The following LHPP variants were observed in gnomAD, a reference collection of about 807,000 sequenced individuals.
LHPP encodes phospholysine phosphohistidine inorganic pyrophosphate phosphatase.
A neutral mutation model predicts 30.3 loss-of-function variants in LHPP; 24 were observed. The ratio of observed to expected loss-of-function variants is 0.79; its 90% CI spans 0.57 to 1.11. LHPP has a LOEUF of 1.11. Ranked by LOEUF, LHPP falls within the 50% of genes most tolerant of loss-of-function variation. The pLI is 0.00. For synonymous variants in LHPP, 150 were observed against 157.1 expected, an observed-to-expected ratio of 0.95 and a Z score of 0.34; for missense variants, 356 against 367.2, an observed-to-expected ratio of 0.97 and a Z score of 0.25.
At chr10:124,608,961 G>A (rs529480572) in intron 6 of LHPP, among the ~76,000 whole-genome samples, 331 of 152,336 alleles carry the variant, frequency 2.2e-3, no homozygotes, top group Non-Finnish European at 4.0e-3. Context: ...CAGAGCAGCC[G>A]CATCTCTGCA....
chr10:124,577,233 G>T (rs546825064), intron 6 of LHPP, among the ~76,000 whole-genome samples: 1 of 152,112 alleles, frequency 6.6e-6, no homozygotes, highest in African/African-American at 2.4e-5. Context: ...TCTGATGGCC[G>T]AGGCCAGGGT....
rs986655836 is a variant in LHPP, at chr10:124,593,648, A to G, written c.717-19616A>G. Among the ~76,000 whole-genome samples, 1 of 152,056 alleles carries G rather than the reference A, an allele frequency of 6.6e-6. No homozygotes were observed. Among genetic ancestry groups the G allele is most frequent in the African/African-American group, 2.4e-5 (1 of 41,392 alleles). ...ACCTGATGGGCAGATCCCCCAGGGC[A>G]CTCTATCCAGAGGGTGGTGGACCCA... On this transcript the variant is annotated intron_variant, in intron 6 of 6. Coordinates refer to ENST00000368842, the MANE Select transcript of LHPP (RefSeq NM_022126.4). The surrounding 1 kb of genome is among the most constrained non-coding windows in gnomAD (Gnocchi z 4.9).
rs915312141 is a variant in LHPP, at chr10:124,488,530, TG to T, written c.423del (p.Leu142SerfsTer24). 11 of 1,613,800 alleles carry T rather than the reference TG, an allele frequency of 6.8e-6. No individual in the cohort carries two copies. The highest frequency in any genetic ancestry group is 9.3e-6 in the Non-Finnish European group (11 of 1,179,982). ...CAAAACATGAATAACGCCTTCCAGG[TG>T]CTCATGGAGCTGGAAAAACCTGTGC... Reference protein sequence around the residue: ...SYQNMNNAFQVLMELEKPVLI... With the variant: ...SYQNMNNAFQXLMELEKPVLI... On this transcript the variant is annotated frameshift_variant, in exon 3 of 7. Coordinates refer to ENST00000368842, the MANE Select transcript of LHPP (RefSeq NM_022126.4). LOFTEE classifies it high-confidence loss of function.
chr10:124,582,869 TA>T (rs1948760087), intron 6 of LHPP, among the ~76,000 whole-genome samples: 1 of 151,500 alleles, frequency 6.6e-6, no homozygotes, highest in Non-Finnish European at 1.5e-5. Flanking sequence ...GAAGAAAATA[TA>T]TTTACTGTTC....
chr10:124,534,987 T>G (rs1432640304), intron 6 of LHPP, among the ~76,000 whole-genome samples: 1 of 152,220 alleles, frequency 6.6e-6, no homozygotes, highest in African/African-American at 2.4e-5. Context: ...TCGGCGCCTA[T>G]TGTTACAGCA....
At chr10:124,559,107 G>A (rs940112949) in intron 6 of LHPP, among the ~76,000 whole-genome samples, 3 of 152,190 alleles carry the variant, frequency 2.0e-5, no homozygotes, top group African/African-American at 4.8e-5. Context: ...CCCCACCTAT[G>A]TGCAAAGAAG....
At chr10:124,575,469 C>T (rs1326430223) in intron 6 of LHPP, among the ~76,000 whole-genome samples, 1 of 152,186 alleles carries the variant, frequency 6.6e-6, no homozygotes, top group Admixed American at 6.5e-5. Flanking sequence ...ACCCGGTTCT[C>T]TCTCTGCAGG....
chr10:124,488,492 A>G lies in LHPP; in HGVS notation c.384A>G (p.Glu128=), dbSNP rs1953409836. 2.5e-6 allele frequency: 4 copies of G among 1,614,004 alleles called. No homozygotes were observed. In the East Asian group the frequency reaches 6.7e-5, roughly 27 times the overall value. The change falls in exon 3 of 7, where the codon GAA becomes GAG. Residue 128 remains glutamate (E), a synonymous_variant. Transcript: ENST00000368842. The stretch of plus-strand genomic sequence containing the variant: ...GTGTGGTAATTGCAGACGCAGGAGA[A>G]AGCTTTTCTTATCAAAACATGAATA... ...PNCVVIADAG[E]SFSYQNMNNA... is the part of the protein sequence containing the mutation.
At chr10:124,604,190 C>T (rs1173455123) in intron 6 of LHPP, among the ~76,000 whole-genome samples, 2 of 152,324 alleles carry the variant, frequency 1.3e-5, no homozygotes, top group South Asian at 2.1e-4. Context: ...CTTCCAGAAC[C>T]CAGGGGACGG....
At chr10:124,522,733 A>C (rs10751591) in intron 6 of LHPP, among the ~76,000 whole-genome samples, 137,585 of 144,380 alleles carry the variant, frequency 0.95, 65,416 homozygotes, top group Non-Finnish European at 1. Context: ...GCCCCCCCCC[A>C]AGCACTGTCT....
rs889422035 is a variant in LHPP, at chr10:124,541,273, G to C, written c.716+24002G>C. 6.6e-6 allele frequency among the ~76,000 whole-genome samples: 1 copy of C among 152,242 alleles called. No individual in the cohort carries two copies. The highest frequency in any genetic ancestry group is 1.5e-5 in the Non-Finnish European group (1 of 68,042). On this transcript the variant is annotated intron_variant, in intron 6 of 6. Coordinates refer to ENST00000368842, the MANE Select transcript of LHPP (RefSeq NM_022126.4). The surrounding 1 kb of genome is among the most constrained non-coding windows in gnomAD (Gnocchi z 4.2). ...CGACACGACCAGCCTGCAGTACCAG[G>C]ATAGACAATTTGGGCTGGAGCCAAA...
At chr10:124,530,385 C>T (rs543121962) in intron 6 of LHPP, among the ~76,000 whole-genome samples, 1 of 152,266 alleles carries the variant, frequency 6.6e-6, no homozygotes, top group Admixed American at 6.5e-5. Context: ...TACATACACT[C>T]ACCCGGGCCC....
In LHPP at chr10:124,496,960, G is replaced by C. The variant is rs750491858; in HGVS notation, c.468-1G>C. The stretch of plus-strand genomic sequence containing the variant: ...CCGTGCTCCGTTCTGCTCTCTCCTA[G>C]GCGTTACTACAAGGAGACCTCTGGC... On this transcript the variant is annotated splice_acceptor_variant, in intron 3 of 6. Transcript: ENST00000368842. LOFTEE classifies it high-confidence loss of function. This position sits in a 1 kb window ranked among gnomAD's most constrained non-coding sequence, Gnocchi z 4.3. 1.2e-6 allele frequency: 2 copies of C among 1,613,902 alleles called. No homozygotes were observed. The highest frequency in any genetic ancestry group is 1.7e-6 in the Non-Finnish European group (2 of 1,179,858).
At chr10:124,500,770 G>A (rs1336011834) in intron 5 of LHPP, among the ~76,000 whole-genome samples, 1 of 151,872 alleles carries the variant, frequency 6.6e-6, no homozygotes, top group Non-Finnish European at 1.5e-5. Flanking sequence ...CAAGGATGTA[G>A]AGAAATTGGA....
At chr10:124,497,179 G>T (rs934375841) in intron 4 of LHPP, among the ~76,000 whole-genome samples, 155 bp downstream of exon 4, 1 of 149,808 alleles carries the variant, frequency 6.7e-6, no homozygotes, top group Non-Finnish European at 1.5e-5. Flanking sequence ...TCCCCTGGCC[G>T]GGCCCTCGGG....
chr10:124,499,863 C>T (rs1292073288), intron 5 of LHPP, among the ~76,000 whole-genome samples: 3 of 151,868 alleles, frequency 2.0e-5, no homozygotes, highest in East Asian at 1.9e-4. Flanking sequence ...AGACACTGCA[C>T]CTGCACCTGC....
Position 124,513,616 on chromosome 10 carries a change from C to T in LHPP, c.625-3564C>T, listed in dbSNP as rs539385219. 1.5e-4 allele frequency among the ~76,000 whole-genome samples: 22 copies of T among 150,410 alleles called. No homozygotes were observed. In the East Asian group the frequency reaches 3.3e-3, roughly 23 times the overall value. ...AGTATCTGGGATTACAGGTGCATGC[C>T]GGGCTAATTTGTATATTTTTAGTGA... On this transcript the variant is annotated intron_variant, in intron 5 of 6. Transcript: ENST00000368842.
intron 5 of LHPP, among the ~76,000 whole-genome samples, chr10:124,507,365 C>G (rs1477289759): frequency 3.8e-5 from 1 of 26,520 alleles, no homozygotes; most frequent in South Asian, 2.3e-3. Context: ...GGAGGGTAGA[C>G]AGGATTTCAG....
At chr10:124,484,114 C>G (rs765443387) in intron 1 of LHPP, 25 bp from the exon 2 acceptor site, 2 of 1,609,378 alleles carry the variant, frequency 1.2e-6, no homozygotes, top group East Asian at 4.5e-5. Context: ...GCTGACTTCC[C>G]GGGCCTGTGT....
Sources: gnomAD v4.1 joint callset for allele counts (sites outside exome capture counted in the v4.1 genomes callset) on GRCh38, gnomAD v4.1.1 for gene constraint, Gnocchi (gnomAD v3.1) non-coding constraint, MANE v1.5 for transcripts, NCBI Gene and HGNC (gene_info 2026-07-23, HGNC 2026-07-21) for gene names.